Variants in SHANK2 observed in about 807,000 individuals in gnomAD.
SHANK2 encodes the protein SH3 and multiple ankyrin repeat domains protein 2.
SHANK2 carries 43 observed loss-of-function variants against 133.7 expected under a neutral mutation model. The ratio of observed to expected loss-of-function variants is 0.32; its 90% CI spans 0.25 to 0.41. The LOEUF is 0.41. Among genes scored for constraint, SHANK2 ranks in the 10% least tolerant of loss-of-function variants. SHANK2 has a pLI of 1.00. For synonymous variants in SHANK2, 1,017 were observed against 952.8 expected (o/e 1.07, Z -1.24); for missense variants, 1,994 against 2,235.8 (o/e 0.89, Z 2.18).
At chr11:70,709,813 G>A (rs1555025762) in intron 14 of SHANK2, among the ~76,000 whole-genome samples, 2 of 151,946 alleles carry the variant, frequency 1.3e-5, no homozygotes, top group East Asian at 1.9e-4. Context: ...TGACGGCTGA[G>A]CACAGAGGCT....
intron 2 of SHANK2, among the ~76,000 whole-genome samples, chr11:71,171,046 G>A (rs912750782): frequency 1.8e-4 from 28 of 152,192 alleles, no homozygotes; most frequent in Non-Finnish European, 3.2e-4. Context: ...TTCCTGGCTC[G>A]TAGACGGCCA....
At chr11:70,772,104 C>T (rs1947262386) in intron 14 of SHANK2, among the ~76,000 whole-genome samples, 1 of 152,156 alleles carries the variant, frequency 6.6e-6, no homozygotes, top group African/African-American at 2.4e-5. Flanking sequence ...CAGAACATTA[C>T]ACAAGCATGG....
intron 10 of SHANK2, among the ~76,000 whole-genome samples, chr11:70,937,747 G>A (rs1335022484): frequency 6.6e-6 from 1 of 151,964 alleles, no homozygotes; most frequent in East Asian, 1.9e-4. Flanking sequence ...GGAGAAAAAA[G>A]GTCTAGGTCA....
rs953080487 is a variant in SHANK2, at chr11:70,473,847, C to T, written c.4980-408G>A. On this transcript the variant is annotated intron_variant, in intron 25 of 25. Transcript: ENST00000601538. The surrounding 1 kb of genome is among the most constrained non-coding windows in gnomAD (Gnocchi z 5.9). ...TGGAAGGGGTCCCTTGAAGAGGGCA[C>T]GGAGACAGGGACAGAGTGGGGTCCT... The T allele has an allele frequency of 6.4e-5, 21 of 329,580 alleles. No individual in the cohort carries two copies. The highest frequency in any genetic ancestry group is 1.7e-4 in the African/African-American group (8 of 46,882). 20.4% of individuals were successfully genotyped at this position (329,580 alleles called of 1,614,324 possible).
chr11:70,834,692 G>T (rs2921335), intron 11 of SHANK2, among the ~76,000 whole-genome samples: 20 of 152,182 alleles, frequency 1.3e-4, no homozygotes, highest in African/African-American at 4.8e-4. Context: ...AATAACACAA[G>T]ATATAAAAAG....
chr11:70,822,852 T>C (rs55797753), intron 11 of SHANK2, among the ~76,000 whole-genome samples: 14 of 49,940 alleles, frequency 2.8e-4, no homozygotes, highest in South Asian at 9.8e-4. Flanking sequence ...AGAGGTGGCG[T>C]TGGCAGAGGT....
chr11:70,930,633 CT>C (rs1950489036), intron 10 of SHANK2, among the ~76,000 whole-genome samples: 1 of 149,482 alleles, frequency 6.7e-6, no homozygotes, highest in South Asian at 2.1e-4. Context: ...ACATAAATGC[CT>C]TTTCTCTTGT....
chr11:70,856,820 C>T (rs958513731), intron 11 of SHANK2, among the ~76,000 whole-genome samples: 1 of 152,170 alleles, frequency 6.6e-6, no homozygotes, highest in East Asian at 1.9e-4. Flanking sequence ...GGAATTCAAA[C>T]ATCTGCCAAT....
chr11:71,082,866 G>A (rs1683709827), intron 8 of SHANK2, among the ~76,000 whole-genome samples: 1 of 152,180 alleles, frequency 6.6e-6, no homozygotes, highest in African/African-American at 2.4e-5. Context: ...TTGCACAATG[G>A]GAGCAAAATC....
rs57180024 is a variant in SHANK2 at position 70,613,763 on chromosome 11, GT to G, written c.2061+46064del. On this transcript the variant is annotated intron_variant, in intron 17 of 25. Coordinates refer to ENST00000601538, the MANE Select transcript of SHANK2 (RefSeq NM_012309.5). Reference sequence around the variant, plus strand: ...TGTCCTTGTAAGAAGAGGGGAACTTGTTTTTTTTTTTTTTTCTTTGAGATGG... The same window carrying G: ...TGTCCTTGTAAGAAGAGGGGAACTTGTTTTTTTTTTTTTTCTTTGAGATGG... Among the ~76,000 whole-genome samples, 271 of 123,764 alleles carry G rather than the reference GT, an allele frequency of 2.2e-3. 6 individuals carry two copies. The highest frequency in any genetic ancestry group is 7.5e-3 in the Admixed American group (81 of 10,792). 81.2% of individuals were successfully genotyped at this position (123,764 alleles called of 152,430 possible).
chr11:70,504,869 G>A (rs186978182), intron 17 of SHANK2, among the ~76,000 whole-genome samples: 2 of 152,230 alleles, frequency 1.3e-5, no homozygotes, highest in East Asian at 3.9e-4. Flanking sequence ...CACCAGCCAC[G>A]CGTTATCGGG....
chr11:70,655,521 GT>G (rs1285113677), intron 17 of SHANK2, among the ~76,000 whole-genome samples: 4 of 152,196 alleles, frequency 2.6e-5, no homozygotes, highest in African/African-American at 9.7e-5. Flanking sequence ...GGCTTGTAGG[GT>G]TTGGAGATCC....
intron 17 of SHANK2, among the ~76,000 whole-genome samples, chr11:70,626,969 A>C (rs1391358726): frequency 6.6e-6 from 1 of 152,016 alleles, no homozygotes; most frequent in Non-Finnish European, 1.5e-5. Flanking sequence ...TTTCCTGGGC[A>C]CCCAAGACAG....
At chr11:71,094,113 C>G (rs550313545) in intron 7 of SHANK2, among the ~76,000 whole-genome samples, 2 of 152,148 alleles carry the variant, frequency 1.3e-5, no homozygotes, top group South Asian at 4.2e-4. Context: ...ATTGTAACCC[C>G]CAGTGCTGGG....
intron 2 of SHANK2, among the ~76,000 whole-genome samples, chr11:71,222,520 C>T (rs782110634): frequency 2.0e-5 from 3 of 152,178 alleles, no homozygotes; most frequent in African/African-American, 4.8e-5. Flanking sequence ...AGCTGTGAAC[C>T]GAGGCCCAGC....
At chr11:70,695,455 G>A (rs1945372822) in intron 15 of SHANK2, among the ~76,000 whole-genome samples, 2 of 152,176 alleles carry the variant, frequency 1.3e-5, no homozygotes, top group African/African-American at 4.8e-5. Context: ...ACCACGTAGT[G>A]GCTGATTCCA....
chr11:70,952,758 G>T (rs34650500), intron 10 of SHANK2: 115,848 of 440,116 alleles, frequency 0.26, 16,459 homozygotes, highest in Non-Finnish European at 0.3. Flanking sequence ...GTCCGGGGGG[G>T]CCTGAGCAGC....
At chr11:70,692,901 T>C (rs969946227) in intron 15 of SHANK2, among the ~76,000 whole-genome samples, 17 of 152,214 alleles carry the variant, frequency 1.1e-4, no homozygotes, top group African/African-American at 4.1e-4. Context: ...AAAAAACAGA[T>C]GCTCAGCACC....
intron 14 of SHANK2, among the ~76,000 whole-genome samples, chr11:70,745,300 G>A (rs1287536750): frequency 1.3e-5 from 2 of 152,280 alleles, no homozygotes; most frequent in African/African-American, 2.4e-5. Context: ...CAGCAAGCTC[G>A]TGATACCCAG....
Sources: allele counts gnomAD v4.1 joint callset (sites outside exome capture counted in the v4.1 genomes callset), GRCh38; gene constraint gnomAD v4.1.1; non-coding constraint Gnocchi (gnomAD v3.1); transcripts MANE v1.5; gene names NCBI Gene and HGNC (gene_info 2026-07-23, HGNC 2026-07-21).